The following PARD3 variants were observed in gnomAD, a reference collection of about 807,000 sequenced individuals.
The protein encoded by PARD3 is partitioning defective 3 homolog.
In PARD3, 75 loss-of-function variants were observed where a neutral mutation model predicts 155.4. That is an observed-to-expected ratio of 0.48 (90% CI 0.40 to 0.58). PARD3 has a LOEUF of 0.58. Among genes scored for constraint, PARD3 ranks in the 20% least tolerant of loss-of-function variants. The pLI is 0.00. For missense variants in PARD3, 1,642 were observed against 1,721.7 expected (o/e 0.95, Z 0.82); for synonymous variants, 576 against 610.5 (o/e 0.94, Z 0.83).
intron 1 of PARD3, among the ~76,000 whole-genome samples, chr10:34,750,538 A>C (rs896693095): frequency 9.2e-5 from 14 of 151,948 alleles, no homozygotes; most frequent in Middle Eastern, 3.4e-3. Context: ...CAGGAAAGCA[A>C]CACAGAAGGC....
chr10:34,528,532 T>G (rs143044071), intron 2 of PARD3, among the ~76,000 whole-genome samples: 6 of 152,004 alleles, frequency 3.9e-5, no homozygotes, highest in South Asian at 2.1e-4. Flanking sequence ...TGATAGGTTT[T>G]GTTTTGTTTT....
intron 2 of PARD3, among the ~76,000 whole-genome samples, chr10:34,648,152 C>T (rs376624394): frequency 2.0e-5 from 3 of 152,186 alleles, no homozygotes; most frequent in East Asian, 3.8e-4. Context: ...ACTCAAACCT[C>T]GTCTTAAAAT....
intron 2 of PARD3, among the ~76,000 whole-genome samples, chr10:34,682,796 G>A (rs1198584374): frequency 6.6e-6 from 1 of 152,198 alleles, no homozygotes; most frequent in Non-Finnish European, 1.5e-5. Context: ...GCTGAGGTGG[G>A]AGCCCAGGAG....
intron 2 of PARD3, among the ~76,000 whole-genome samples, chr10:34,656,113 G>C (rs1387275961): frequency 2.0e-5 from 3 of 152,062 alleles, no homozygotes; most frequent in Non-Finnish European, 4.4e-5. Context: ...AAAAAGTAAA[G>C]AGTAATTTTT....
chr10:34,538,924 C>G (rs1293218811), intron 2 of PARD3, among the ~76,000 whole-genome samples: 2 of 152,190 alleles, frequency 1.3e-5, no homozygotes, highest in African/African-American at 4.8e-5. Flanking sequence ...ATTCATGATG[C>G]CTTGTCCACA....
chr10:34,620,964 G>C (rs919164909), intron 2 of PARD3, among the ~76,000 whole-genome samples: 3 of 152,214 alleles, frequency 2.0e-5, no homozygotes, highest in Non-Finnish European at 2.9e-5. Context: ...ACTTAACTAA[G>C]CCTGGTGTAC....
chr10:34,518,014 G>A (rs1329490429), intron 2 of PARD3, among the ~76,000 whole-genome samples: 1 of 152,138 alleles, frequency 6.6e-6, no homozygotes, highest in African/African-American at 2.4e-5. Flanking sequence ...AAGTAGCGGG[G>A]ATTACAGGCG....
chr10:34,403,862 C>T (rs1434590384), intron 5 of PARD3, among the ~76,000 whole-genome samples: 3 of 152,104 alleles, frequency 2.0e-5, no homozygotes, highest in Admixed American at 2.0e-4. Flanking sequence ...GTTTATAAAC[C>T]AGATGTAGGA....
intron 1 of PARD3, among the ~76,000 whole-genome samples, chr10:34,788,614 T>C (rs2134226731): frequency 6.6e-6 from 1 of 152,298 alleles, no homozygotes; most frequent in Admixed American, 6.5e-5. Context: ...CATGCCCAGC[T>C]AATTTTTGTA....
At chr10:34,779,131 C>T (rs1416017288) in intron 1 of PARD3, among the ~76,000 whole-genome samples, 11 of 151,048 alleles carry the variant, frequency 7.3e-5, no homozygotes, top group Non-Finnish European at 1.5e-4. Flanking sequence ...GCCAACATGG[C>T]GAAACCCTGT....
intron 2 of PARD3, among the ~76,000 whole-genome samples, chr10:34,617,918 CTT>C (rs2091372790): frequency 1.3e-5 from 2 of 152,064 alleles, no homozygotes; most frequent in South Asian, 4.1e-4. Flanking sequence ...AGAGAGAAAA[CTT>C]TTAAAACCTA....
intron 22 of PARD3, among the ~76,000 whole-genome samples, chr10:34,204,567 G>C (rs1045437959): frequency 2.6e-5 from 4 of 152,166 alleles, no homozygotes; most frequent in African/African-American, 7.2e-5. Context: ...AACAGAACAG[G>C]ATGGGGGCTC....
intron 3 of PARD3, among the ~76,000 whole-genome samples, chr10:34,494,612 C>T (rs896020500): frequency 6.6e-6 from 1 of 152,158 alleles, no homozygotes; most frequent in South Asian, 2.1e-4. Context: ...GAAAATCTTT[C>T]TGAGCATGCA....
At chr10:34,235,527 G>T (rs190159939) in intron 22 of PARD3, among the ~76,000 whole-genome samples, 6 of 152,238 alleles carry the variant, frequency 3.9e-5, no homozygotes, top group Middle Eastern at 6.8e-3. Context: ...GGCTATTTGT[G>T]GATAATTTGC....
chr10:34,343,312 A>G (rs1390046568), intron 15 of PARD3: 14 of 950,114 alleles, frequency 1.5e-5, no homozygotes, highest in Non-Finnish European at 1.8e-5. Context: ...ACACAAAACT[A>G]AAACTTCTGG....
intron 22 of PARD3, among the ~76,000 whole-genome samples, chr10:34,186,653 A>C (rs1490129968): frequency 6.6e-6 from 1 of 152,132 alleles, no homozygotes; most frequent in African/African-American, 2.4e-5. Context: ...GAACAGGAGG[A>C]GGACATAAGC....
intron 2 of PARD3, among the ~76,000 whole-genome samples, chr10:34,593,837 G>T (rs543377634): frequency 7.9e-5 from 12 of 152,162 alleles, no homozygotes; most frequent in South Asian, 6.2e-4. Flanking sequence ...ACTTATTTAG[G>T]AATTCATTTC....
chr10:34,321,173 T>A (rs1958352946), intron 19 of PARD3, among the ~76,000 whole-genome samples: 1 of 152,200 alleles, frequency 6.6e-6, no homozygotes, highest in Admixed American at 6.5e-5. Context: ...TCTGTACATT[T>A]AATACTAGCT....
chr10:34,492,354 G>C (rs892833582), intron 3 of PARD3, among the ~76,000 whole-genome samples: 4 of 152,032 alleles, frequency 2.6e-5, no homozygotes, highest in African/African-American at 9.7e-5. Context: ...TCAAAACACC[G>C]ATTCAAACAG....
Sources: allele counts gnomAD v4.1 joint callset (sites outside exome capture counted in the v4.1 genomes callset), GRCh38; gene constraint gnomAD v4.1.1; transcripts MANE v1.5; gene names NCBI Gene and HGNC (gene_info 2026-07-23, HGNC 2026-07-21).